The following SYNPR variants were observed in gnomAD, a reference collection of about 807,000 sequenced individuals.
The protein encoded by SYNPR is synaptoporin.
A neutral mutation model predicts 32.9 loss-of-function variants in SYNPR; 23 were observed. The observed-to-expected ratio is 0.70, with a 90% confidence interval of 0.50 to 0.99. The LOEUF (loss-of-function observed/expected upper bound fraction) is 0.99, where lower values mean the gene tolerates loss of function less well. Among genes scored for constraint, SYNPR ranks in the 50% least tolerant of loss-of-function variants. The pLI is 0.00. For missense variants in SYNPR, 318 were observed against 349.3 expected (o/e 0.91, Z 0.71); for synonymous variants, 146 against 135.9 (o/e 1.07, Z -0.52).
the SYNPR span, among the ~76,000 whole-genome samples, chr3:63,210,492 T>C: frequency 6.6e-6 from 1 of 152,256 alleles, no homozygotes; most frequent in African/African-American, 2.4e-5. Context: ...CTTTAAATAA[T>C]GTTTGCTGCA....
At position 63,480,956 on chromosome 3, in the gene SYNPR, G is replaced by C. The variant is rs751713367; in HGVS notation, c.209G>C (p.Arg70Thr). Residue 70 changes from arginine (R) to threonine (T), a missense_variant and splice_region_variant, in exon 3 of 6, where the codon AGG becomes ACG. Coordinates refer to ENST00000478300, the MANE Select transcript of SYNPR (RefSeq NM_001130003.2). Reference protein sequence around the residue: ...SIDIAFAYPFRLHQVTFEVPT... With the variant: ...SIDIAFAYPFTLHQVTFEVPT... ...GACATAGCGTTTGCCTACCCATTCA[G>C]GTAGGGAATGGTGGTTCATGCTTGT... The C allele has an allele frequency of 6.2e-7, 1 of 1,611,386 alleles. No homozygotes were observed. The highest frequency in any genetic ancestry group is 8.5e-7 in the Non-Finnish European group (1 of 1,178,198).
At chr3:63,334,913 G>T (rs202159471) in intron 2 of SYNPR, among the ~76,000 whole-genome samples, 1 of 152,160 alleles carries the variant, frequency 6.6e-6, no homozygotes, top group South Asian at 2.1e-4. Context: ...ACTGGAAGAA[G>T]GCTTAATTAC....
chr3:63,421,867 C>T (rs1331382382), intron 2 of SYNPR, among the ~76,000 whole-genome samples: 1 of 152,202 alleles, frequency 6.6e-6, no homozygotes, highest in Non-Finnish European at 1.5e-5. Context: ...TTTGGTTCTT[C>T]CAGGCTACCA....
intron 2 of SYNPR, among the ~76,000 whole-genome samples, chr3:63,467,541 G>A (rs1700706209): frequency 6.6e-6 from 1 of 152,118 alleles, no homozygotes; most frequent in South Asian, 2.1e-4. Flanking sequence ...TGATAATGAT[G>A]GTACTCACCT....
intron 4 of SYNPR, among the ~76,000 whole-genome samples, chr3:63,592,829 G>C (rs1699862297): frequency 6.6e-6 from 1 of 151,934 alleles, no homozygotes; most frequent in South Asian, 2.1e-4. Flanking sequence ...CCTGTATCAA[G>C]ACTAATTAAT....
chr3:63,209,333 A>G, the SYNPR span, among the ~76,000 whole-genome samples: 1 of 151,116 alleles, frequency 6.6e-6, no homozygotes, highest in African/African-American at 2.4e-5. Flanking sequence ...AAAAAAAAAA[A>G]GGTTGGGAAA....
At chr3:63,202,522 T>C in the SYNPR span, among the ~76,000 whole-genome samples, 1 of 152,140 alleles carries the variant, frequency 6.6e-6, no homozygotes, top group Non-Finnish European at 1.5e-5. Flanking sequence ...AGAGGAAAAT[T>C]GCAGAGCAAA....
chr3:63,475,739 G>T (rs1157573918), intron 2 of SYNPR, among the ~76,000 whole-genome samples: 1 of 151,896 alleles, frequency 6.6e-6, no homozygotes, highest in East Asian at 1.9e-4. Flanking sequence ...GTCCCCTCAG[G>T]CTTTTCTCAC....
intron 2 of SYNPR, among the ~76,000 whole-genome samples, chr3:63,407,748 G>A (rs1297609322): frequency 1.3e-5 from 2 of 152,116 alleles, no homozygotes; most frequent in Non-Finnish European, 2.9e-5. Context: ...AAGACAAATG[G>A]TGGGTTAAGT....
intron 2 of SYNPR, among the ~76,000 whole-genome samples, chr3:63,342,638 TG>T (rs1456377028): frequency 6.6e-6 from 1 of 152,240 alleles, no homozygotes; most frequent in East Asian, 1.9e-4. Context: ...TAAAATGAGT[TG>T]GAAAGTGTTC....
rs115316732 is a variant in SYNPR at position 63,362,284 on chromosome 3, T to C, written c.84+83542T>C. On this transcript the variant is annotated intron_variant, in intron 2 of 5. Coordinates refer to ENST00000478300, the MANE Select transcript of SYNPR (RefSeq NM_001130003.2). ...TAAAACTAATCAGATTTGGTGTGTTTTGTTGTTGTTGTTTGTTTGTTTTTG... is the reference window on the plus strand; with the variant it reads ...TAAAACTAATCAGATTTGGTGTGTTCTGTTGTTGTTGTTTGTTTGTTTTTG... Among the ~76,000 whole-genome samples the C allele has an allele frequency of 3.6e-3, 550 of 152,290 alleles. 3 individuals carry two copies. Among genetic ancestry groups the C allele is most frequent in the African/African-American group, 0.013 (521 of 41,550 alleles).
At chr3:63,320,116 A>AT (rs951135608) in intron 2 of SYNPR, among the ~76,000 whole-genome samples, 4 of 151,676 alleles carry the variant, frequency 2.6e-5, no homozygotes, top group African/African-American at 9.7e-5. Context: ...TACCTGGCTA[A>AT]TTTTTTCTGT....
chr3:63,452,316 A>T (rs1399715484), intron 2 of SYNPR, among the ~76,000 whole-genome samples: 2 of 152,192 alleles, frequency 1.3e-5, no homozygotes, highest in Non-Finnish European at 2.9e-5. Flanking sequence ...AAAGTGATTT[A>T]ATTATCATTA....
At chr3:63,385,190 A>T (rs2088024520) in intron 2 of SYNPR, among the ~76,000 whole-genome samples, 2 of 152,186 alleles carry the variant, frequency 1.3e-5, no homozygotes, top group Non-Finnish European at 2.9e-5. Flanking sequence ...AAGTCTAATG[A>T]AGATAATAGC....
At chr3:63,310,764 G>C (rs980433662) in intron 2 of SYNPR, among the ~76,000 whole-genome samples, 6 of 151,972 alleles carry the variant, frequency 3.9e-5, no homozygotes, top group African/African-American at 1.4e-4. Context: ...TCCAGCCCTA[G>C]AACAAGGTGT....
intron 3 of SYNPR, among the ~76,000 whole-genome samples, chr3:63,488,561 T>C (rs189203303): frequency 5.6e-4 from 85 of 152,278 alleles, no homozygotes; most frequent in African/African-American, 2.0e-3. Flanking sequence ...AGCTTCCTTA[T>C]TATAAAAAGG....
At chr3:63,446,570 T>C (rs549966549) in intron 2 of SYNPR, among the ~76,000 whole-genome samples, 1 of 152,262 alleles carries the variant, frequency 6.6e-6, no homozygotes, top group Non-Finnish European at 1.5e-5. Context: ...GGTTGAAATT[T>C]CTCTTCAAGT....
intron 2 of SYNPR, among the ~76,000 whole-genome samples, chr3:63,454,275 T>G (rs1156718518): frequency 6.6e-6 from 1 of 152,130 alleles, no homozygotes; most frequent in East Asian, 1.9e-4. Flanking sequence ...AGAAGAAACT[T>G]ACAGAAAAAT....
intron 1 of SYNPR, among the ~76,000 whole-genome samples, chr3:63,237,337 G>A (rs570765073): frequency 1.3e-5 from 2 of 151,844 alleles, no homozygotes; most frequent in East Asian, 1.9e-4. Flanking sequence ...CTCTACCACC[G>A]AGGCCAACCA....
Sources: gnomAD v4.1 joint callset for allele counts (sites outside exome capture counted in the v4.1 genomes callset) on GRCh38, gnomAD v4.1.1 for gene constraint, MANE v1.5 for transcripts, NCBI Gene and HGNC (gene_info 2026-07-23, HGNC 2026-07-21) for gene names.